The following EXOC6 variants were observed in gnomAD, a reference collection of about 807,000 sequenced individuals.
EXOC6 encodes SEC15-like 1.
In EXOC6, 60 loss-of-function variants were observed where a neutral mutation model predicts 112.5. That is an observed-to-expected ratio of 0.53 (90% CI 0.43 to 0.66). The LOEUF (loss-of-function observed/expected upper bound fraction) is 0.66, where lower values mean the gene tolerates loss of function less well. EXOC6 is among the 30% of genes least tolerant of loss of function. EXOC6 has a pLI of 0.00. For synonymous variants in EXOC6, 295 were observed against 308.0 expected (o/e 0.96, Z 0.44); for missense variants, 855 against 957.1 (o/e 0.89, Z 1.41).
chr10:92,875,377 A>T (rs147800147), intron 1 of EXOC6, among the ~76,000 whole-genome samples: 31 of 152,280 alleles, frequency 2.0e-4, no homozygotes, highest in Non-Finnish European at 3.4e-4. Flanking sequence ...ACACACAAAT[A>T]TATTTTATAT....
intron 1 of EXOC6, among the ~76,000 whole-genome samples, chr10:92,870,646 C>G (rs1385869500): frequency 6.6e-6 from 1 of 151,834 alleles, no homozygotes; most frequent in East Asian, 1.9e-4. Context: ...CAATGTTACA[C>G]TCATTTCATT....
intron 1 of EXOC6, among the ~76,000 whole-genome samples, chr10:92,883,026 C>G (rs957832234): frequency 1.3e-5 from 2 of 152,220 alleles, no homozygotes; most frequent in African/African-American, 4.8e-5. Context: ...GGGCAACGTT[C>G]TGCATCTCAG....
chr10:93,015,891 C>G (rs1029257127), intron 20 of EXOC6, among the ~76,000 whole-genome samples: 2 of 152,134 alleles, frequency 1.3e-5, no homozygotes, highest in African/African-American at 2.4e-5. Flanking sequence ...GCAGTCAGTG[C>G]TCAGATATTA....
chr10:92,936,109 T>C (rs1389735839), intron 12 of EXOC6, among the ~76,000 whole-genome samples: 4 of 152,208 alleles, frequency 2.6e-5, no homozygotes, highest in African/African-American at 4.8e-5. Context: ...TTTTAAAATA[T>C]TGATCATTCA....
intron 18 of EXOC6, among the ~76,000 whole-genome samples, chr10:92,976,045 T>TGG (rs745358976): frequency 4.1e-4 from 43 of 105,468 alleles, no homozygotes; most frequent in African/African-American, 1.4e-3. Context: ...GGGAGGGAGG[T>TGG]GGGGGGGGGG....
chr10:92,946,140 A>C (rs796150016), intron 13 of EXOC6, among the ~76,000 whole-genome samples: 10 of 152,110 alleles, frequency 6.6e-5, no homozygotes, highest in African/African-American at 1.4e-4. Flanking sequence ...AAAACAAAAA[A>C]AAAAAATTAG....
chr10:92,875,741 G>T (rs1589745453), intron 1 of EXOC6, among the ~76,000 whole-genome samples: 1 of 151,966 alleles, frequency 6.6e-6, no homozygotes, highest in African/African-American at 2.4e-5. Context: ...ATGTAAAGTG[G>T]ACATGTACTA....
intron 20 of EXOC6, among the ~76,000 whole-genome samples, chr10:93,040,309 C>T (rs1316710079): frequency 3.3e-5 from 5 of 152,112 alleles, no homozygotes; most frequent in East Asian, 1.9e-4. Flanking sequence ...AGTGCAGTGG[C>T]GTGATCTCGG....
intron 20 of EXOC6, among the ~76,000 whole-genome samples, chr10:93,023,273 G>A (rs1208543447): frequency 1.3e-5 from 2 of 152,234 alleles, no homozygotes; most frequent in Admixed American, 6.5e-5. Context: ...TGACAAGTAT[G>A]AGCTGATACA....
In EXOC6 at chr10:92,896,055, A is replaced by G. The variant is rs1290777388; in HGVS notation, c.412+1035A>G. ...TGTGTGTATATATATGTGTATATAT[A>G]TGTGTATATATATGTGTATATATAT... On this transcript the variant is annotated intron_variant, in intron 4 of 21. Coordinates refer to ENST00000260762, the MANE Select transcript of EXOC6 (RefSeq NM_019053.6). Among the ~76,000 whole-genome samples the G allele has an allele frequency of 2.6e-4, 12 of 46,488 alleles. No homozygotes were observed. The South Asian group carries it at 3.8e-3, about 15-fold the overall frequency. 30.5% of individuals were successfully genotyped at this position (46,488 alleles called of 152,430 possible).
At chr10:92,942,207 A>C (rs950410623) in intron 13 of EXOC6, among the ~76,000 whole-genome samples, 4 of 152,172 alleles carry the variant, frequency 2.6e-5, no homozygotes, top group African/African-American at 9.7e-5. Context: ...CCTGGACAAC[A>C]TAGTAAGACC....
intron 4 of EXOC6, among the ~76,000 whole-genome samples, chr10:92,899,314 C>G (rs1328118254): frequency 1.3e-5 from 2 of 152,060 alleles, no homozygotes; most frequent in Admixed American, 6.5e-5. Context: ...AGGCTAATGT[C>G]TCAGTTATAC....
chr10:92,961,804 A>G (rs888149107), intron 17 of EXOC6, among the ~76,000 whole-genome samples: 4 of 151,976 alleles, frequency 2.6e-5, no homozygotes, highest in African/African-American at 9.7e-5. Context: ...ATGGTTGAGG[A>G]CTACTTTAAA....
intron 1 of EXOC6, among the ~76,000 whole-genome samples, chr10:92,855,206 C>G (rs1289798837): frequency 6.6e-6 from 1 of 152,090 alleles, no homozygotes; most frequent in African/African-American, 2.4e-5. Context: ...GCATGAGCCA[C>G]TGTGCCTGGC....
At chr10:93,010,956 G>A (rs550047497) in intron 19 of EXOC6, among the ~76,000 whole-genome samples, 127 of 152,190 alleles carry the variant, frequency 8.3e-4, no homozygotes, top group Admixed American at 2.2e-3. Context: ...TTAAATGATA[G>A]TATCTTCAAC....
At chr10:92,869,342 T>C (rs1848329628) in intron 1 of EXOC6, among the ~76,000 whole-genome samples, 2 of 151,370 alleles carry the variant, frequency 1.3e-5, no homozygotes, top group Non-Finnish European at 2.9e-5. Flanking sequence ...AGGGTCGCAC[T>C]CTGTTGTCCA....
At chr10:92,859,641 TG>T (rs1209582552) in intron 1 of EXOC6, among the ~76,000 whole-genome samples, 1 of 152,198 alleles carries the variant, frequency 6.6e-6, no homozygotes, top group Non-Finnish European at 1.5e-5. Flanking sequence ...AGCAAACCTG[TG>T]GGTTCCCCAG....
intron 1 of EXOC6, among the ~76,000 whole-genome samples, chr10:92,885,012 G>A (rs773243163): frequency 7.2e-5 from 11 of 152,126 alleles, no homozygotes; most frequent in Non-Finnish European, 1.3e-4. Flanking sequence ...TTAATTTCTA[G>A]TGAACCAATT....
chr10:93,038,129 A>G (rs1169654034), intron 20 of EXOC6, among the ~76,000 whole-genome samples: 2 of 146,114 alleles, frequency 1.4e-5, no homozygotes, highest in African/African-American at 5.0e-5. Flanking sequence ...GGTTTCTTTC[A>G]GTTTGGAGGA....
Sources: gnomAD v4.1 joint callset for allele counts (sites outside exome capture counted in the v4.1 genomes callset) on GRCh38, gnomAD v4.1.1 for gene constraint, MANE v1.5 for transcripts, NCBI Gene and HGNC (gene_info 2026-07-23, HGNC 2026-07-21) for gene names.